Variants in HDAC8 observed in about 807,000 individuals in gnomAD.
HDAC8 encodes the protein histone deacetylase-like 1.
A neutral mutation model predicts 32.2 loss-of-function variants in HDAC8; 1 was observed. That is an observed-to-expected ratio of 0.03 (90% CI 0.01 to 0.15). The LOEUF is 0.15. Ranked by LOEUF, HDAC8 falls within the 10% of genes least tolerant of loss-of-function variation. HDAC8 has a pLI of 1.00. For synonymous variants in HDAC8, 108 were observed against 113.9 expected (o/e 0.95, Z 0.33); for missense variants, 117 against 300.0 (o/e 0.39, Z 4.51).
intron 4 of HDAC8, among the ~76,000 whole-genome samples, chrX:72,559,808 T>G (rs868972550): frequency 2.2e-5 from 2 of 91,466 alleles, no homozygotes; most frequent in African/African-American, 8.5e-5. Flanking sequence ...CGCCCGTCTG[T>G]GAAGTGAGGA....
At chrX:72,375,771 C>T (rs2045047712) in intron 9 of HDAC8, among the ~76,000 whole-genome samples, 1 of 112,003 alleles carries the variant, frequency 8.9e-6, no homozygotes, top group Non-Finnish European at 1.9e-5. Context: ...CTCACACATA[C>T]AACCAGAAAT....
chrX:72,383,475 A>G (rs1555960427), intron 9 of HDAC8, among the ~76,000 whole-genome samples: 1 of 112,234 alleles, frequency 8.9e-6, no homozygotes, highest in Non-Finnish European at 1.9e-5. Context: ...AGTTTCCCCA[A>G]GATGTTGTAA....
intron 4 of HDAC8, among the ~76,000 whole-genome samples, chrX:72,498,811 G>A (rs1556014619): frequency 9.0e-6 from 1 of 111,249 alleles, no homozygotes. Flanking sequence ...TTGAAAATAG[G>A]ATTTCTACAG....
At chrX:72,467,262 G>A (rs895247620) in intron 7 of HDAC8, 1 of 110,637 alleles carries the variant, frequency 9.0e-6, no homozygotes, top group African/African-American at 3.3e-5. Context: ...TTGTACCAAT[G>A]TCCAATATCA....
At chrX:72,472,846 A>G (rs1441649040) in intron 7 of HDAC8, among the ~76,000 whole-genome samples, 4 of 110,282 alleles carry the variant, frequency 3.6e-5, no homozygotes, top group Non-Finnish European at 7.6e-5. Context: ...ACCCTTTCAG[A>G]TTCCTCCCTT....
chrX:72,402,734 G>A (rs1417850578), intron 9 of HDAC8, among the ~76,000 whole-genome samples: 1 of 111,054 alleles, frequency 9.0e-6, no homozygotes, highest in Non-Finnish European at 1.9e-5. Context: ...CCTGGCCTAT[G>A]GTGCATTCTG....
rs1004788515 is a variant in HDAC8 at position 72,572,583 on chromosome X, C to T, written c.111+68G>A. On this transcript the variant is annotated intron_variant, in intron 1 of 10. Coordinates refer to ENST00000373573, the MANE Select transcript of HDAC8 (RefSeq NM_018486.3). ...GCCCAGTGTCCTCTCCGCTTCCTAACGCTCTTTCGTCCACCGCCCCCACCC... is the reference window on the plus strand; with the variant it reads ...GCCCAGTGTCCTCTCCGCTTCCTAATGCTCTTTCGTCCACCGCCCCCACCC... 1.3e-5 allele frequency: 10 copies of T among 774,599 alleles called. 1 individual carries two copies. In the Middle Eastern group the frequency reaches 1.1e-3, roughly 82 times the overall value. The allele number at this position is 774,599 out of a possible 1,213,427, so 63.8% of individuals were successfully genotyped here.
chrX:72,428,723 T>C (rs1555976412), intron 9 of HDAC8, among the ~76,000 whole-genome samples: 1 of 111,648 alleles, frequency 9.0e-6, no homozygotes, highest in African/African-American at 3.3e-5. Flanking sequence ...GCTGATACAA[T>C]GAGTCTTAAA....
intron 9 of HDAC8, among the ~76,000 whole-genome samples, chrX:72,387,287 C>T (rs1229443021): frequency 2.7e-5 from 3 of 111,782 alleles, no homozygotes; most frequent in African/African-American, 9.7e-5. Context: ...CCTTTGGCTT[C>T]CTCCAGTGGC....
chrX:72,527,413 C>G (rs963083551), intron 4 of HDAC8, among the ~76,000 whole-genome samples: 1 of 111,519 alleles, frequency 9.0e-6, no homozygotes, highest in Non-Finnish European at 1.9e-5. Context: ...TCCTAGTACT[C>G]TGTGGCAATT....
chrX:72,451,759 C>T (rs1455066548), intron 9 of HDAC8, among the ~76,000 whole-genome samples: 2 of 112,923 alleles, frequency 1.8e-5, no homozygotes, highest in Admixed American at 1.9e-4. Context: ...CTAGAGACAA[C>T]TGGAAAATTA....
intron 4 of HDAC8, among the ~76,000 whole-genome samples, chrX:72,567,398 A>T (rs2051837004): frequency 8.9e-6 from 1 of 112,180 alleles, no homozygotes. Context: ...TCTAAAATTC[A>T]CTTCTGCCAA....
intron 9 of HDAC8, among the ~76,000 whole-genome samples, chrX:72,362,365 G>A (rs900814425): frequency 5.4e-5 from 6 of 111,855 alleles, no homozygotes; most frequent in Non-Finnish European, 1.1e-4. Context: ...GGCCTCGCCA[G>A]AAGATGTTGG....
chrX:72,468,966 T>G (rs1258805351), intron 7 of HDAC8, among the ~76,000 whole-genome samples: 2 of 111,637 alleles, frequency 1.8e-5, no homozygotes, highest in Non-Finnish European at 3.8e-5. Context: ...ACAATAGTGA[T>G]GTCCACCTGC....
At chrX:72,538,783 A>C (rs149160707) in intron 4 of HDAC8, among the ~76,000 whole-genome samples, 35 of 112,001 alleles carry the variant, frequency 3.1e-4, no homozygotes, top group Middle Eastern at 4.7e-3. Context: ...GACATATCAT[A>C]AAAATAGGTG....
chrX:72,457,065 T>C (rs2047739789), intron 9 of HDAC8, among the ~76,000 whole-genome samples: 1 of 111,100 alleles, frequency 9.0e-6, no homozygotes, highest in Non-Finnish European at 1.9e-5. Context: ...AGTTTAACAT[T>C]AAAAAATCAG....
intron 9 of HDAC8, among the ~76,000 whole-genome samples, chrX:72,370,115 A>G (rs1555955847): frequency 8.9e-6 from 1 of 112,367 alleles, no homozygotes; most frequent in South Asian, 3.7e-4. Context: ...GGGAGAGGCT[A>G]TCCTGAAGCT....
chrX:72,509,196 C>T (rs1431766923), intron 4 of HDAC8, among the ~76,000 whole-genome samples: 1 of 109,860 alleles, frequency 9.1e-6, no homozygotes, highest in Non-Finnish European at 1.9e-5. Flanking sequence ...CACCTCTCCA[C>T]CTCCCAGGTT....
At chrX:72,457,063 A>G (rs2047739675) in intron 9 of HDAC8, among the ~76,000 whole-genome samples, 1 of 111,890 alleles carries the variant, frequency 8.9e-6, no homozygotes, top group Non-Finnish European at 1.9e-5. Context: ...TCAGTTTAAC[A>G]TTAAAAAATC....
Sources: allele counts gnomAD v4.1 joint callset (sites outside exome capture counted in the v4.1 genomes callset), GRCh38; gene constraint gnomAD v4.1.1; transcripts MANE v1.5; gene names NCBI Gene and HGNC (gene_info 2026-07-23, HGNC 2026-07-21).